SEPTIN11: variants seen among roughly 807,000 people sequenced by gnomAD.
The protein encoded by SEPTIN11 is septin 11.
A neutral mutation model predicts 51.4 loss-of-function variants in SEPTIN11; 25 were observed. The observed-to-expected ratio is 0.49, with a 90% CI of 0.35 to 0.68. SEPTIN11 has a LOEUF of 0.68. Ranked by LOEUF, SEPTIN11 falls within the 30% of genes least tolerant of loss-of-function variation. The pLI is 0.00. For missense variants in SEPTIN11, 381 were observed against 520.8 expected, an observed-to-expected ratio of 0.73 and a Z score of 2.61; for synonymous variants, 174 against 184.1, an observed-to-expected ratio of 0.95 and a Z score of 0.44.
In SEPTIN11 at chr4:77,037,642, AC is replaced by A. The variant is rs984400983; in HGVS notation, c.*3134del. 4 of 985,462 alleles carry A rather than the reference AC, an allele frequency of 4.1e-6. No individual in the cohort carries two copies. The highest frequency in any genetic ancestry group is 4.8e-6 in the Non-Finnish European group (4 of 829,944). 61.0% of individuals were successfully genotyped at this position (985,462 alleles called of 1,614,324 possible). ...GGGGCCTACATAACTAGCTGGCCTT[AC>A]CCCATATCTTTTGTTCAAACATAAT... On this transcript the variant is annotated 3_prime_UTR_variant, in exon 10 of 10. Coordinates refer to ENST00000264893, the MANE Select transcript of SEPTIN11 (RefSeq NM_018243.4).
rs559231690 is a variant in SEPTIN11, at chr4:77,014,656, T to C, written c.526-200T>C. On this transcript the variant is annotated intron_variant, in intron 4 of 9. Coordinates refer to ENST00000264893, the MANE Select transcript of SEPTIN11 (RefSeq NM_018243.4). ...AAAGTCTGATTTTCATTATCATCTC[T>C]ACCCCAAAAAAAAAAAAAATTGTAG... Among the ~76,000 whole-genome samples, 14 of 129,142 alleles carry C rather than the reference T, an allele frequency of 1.1e-4. No homozygotes were observed. In the East Asian group the frequency reaches 2.8e-3, roughly 26 times the overall value. The allele number at this position is 129,142 out of a possible 152,430, so 84.7% of individuals were successfully genotyped here. A position where few individuals can be genotyped will look rare whatever the true frequency, so the allele number is the denominator to read the frequency against.
chr4:76,962,768 G>A (rs1305682212), intron 1 of SEPTIN11, among the ~76,000 whole-genome samples: 1 of 152,134 alleles, frequency 6.6e-6, no homozygotes, highest in Non-Finnish European at 1.5e-5. Flanking sequence ...CATTTGGAAA[G>A]GCAAAGTTAT....
At chr4:76,996,240 G>A (rs903654793) in intron 1 of SEPTIN11, among the ~76,000 whole-genome samples, 185 bp from the exon 2 acceptor site, 2 of 152,190 alleles carry the variant, frequency 1.3e-5, no homozygotes, top group African/African-American at 4.8e-5. Flanking sequence ...TGTGACTTTT[G>A]TGGAAAGAGC....
chr4:76,969,831 A>G (rs1722169709), intron 1 of SEPTIN11, among the ~76,000 whole-genome samples: 1 of 152,218 alleles, frequency 6.6e-6, no homozygotes, highest in Non-Finnish European at 1.5e-5. Flanking sequence ...CTATTAGTTA[A>G]AAATTCAGAT....
chr4:76,975,155 T>C (rs1467053987), intron 1 of SEPTIN11, among the ~76,000 whole-genome samples: 6 of 145,014 alleles, frequency 4.1e-5, no homozygotes, highest in East Asian at 2.0e-4. Context: ...AAAAAAGAAA[T>C]GTAAGCCCTT....
intron 1 of SEPTIN11, among the ~76,000 whole-genome samples, chr4:76,973,249 C>T (rs548121344): frequency 2.6e-5 from 4 of 152,266 alleles, no homozygotes; most frequent in South Asian, 2.1e-4. Flanking sequence ...TTTCTACATT[C>T]GCTTTGCTGC....
At chr4:76,961,991 C>T (rs911813732) in intron 1 of SEPTIN11, among the ~76,000 whole-genome samples, 1 of 152,114 alleles carries the variant, frequency 6.6e-6, no homozygotes. Context: ...TGAATTGCTT[C>T]TAAATGAGAT....
intron 3 of SEPTIN11, chr4:77,009,873 C>CCCAG (rs1724741812): frequency 6.6e-6 from 1 of 152,256 alleles, no homozygotes; most frequent in Non-Finnish European, 1.5e-5. Flanking sequence ...AAGGATCAGC[C>CCCAG]CCAGACTCAA....
rs1560751427 is a variant in SEPTIN11, at chr4:77,030,959, G to A, written c.1263G>A (p.Lys421=). 1 of 1,601,374 alleles carries A rather than the reference G, an allele frequency of 6.2e-7. No individual in the cohort carries two copies. The highest frequency in any genetic ancestry group is 8.5e-7 in the Non-Finnish European group (1 of 1,177,292). Residue 421 remains lysine (K), a synonymous_variant, in exon 9 of 10, where the codon AAG becomes AAA. Coordinates refer to ENST00000264893, the MANE Select transcript of SEPTIN11 (RefSeq NM_018243.4). ...GGGCCCAGCAAACCAAGAAAGACAA[G>A]GATAAGAAAAAGTAAGCAGGTGTCA... ...QSGAQQTKKD[K]DKKNASFT is the part of the protein sequence containing the mutation.
At chr4:77,015,756 G>C (rs558488386) in intron 5 of SEPTIN11, among the ~76,000 whole-genome samples, 89 of 152,308 alleles carry the variant, frequency 5.8e-4, no homozygotes, top group Admixed American at 9.8e-4. Flanking sequence ...AGTAGTAAAG[G>C]CTCTAGAATT....
chr4:77,005,476 C>A, intron 2 of SEPTIN11, 125 bp from the exon 3 acceptor site: 1 of 792,732 alleles, frequency 1.3e-6, no homozygotes, highest in Non-Finnish European at 2.0e-6. Context: ...TTCACAGTGA[C>A]ATTTCTGGTG....
intron 2 of SEPTIN11, among the ~76,000 whole-genome samples, chr4:77,001,599 C>T (rs546086409): frequency 1.3e-5 from 2 of 152,312 alleles, no homozygotes; most frequent in South Asian, 4.1e-4. Context: ...ATCCGCCTGC[C>T]TCAGCCTCCC....
At chr4:77,027,066 A>G (rs1220120504) in intron 7 of SEPTIN11, among the ~76,000 whole-genome samples, 1 of 152,238 alleles carries the variant, frequency 6.6e-6, no homozygotes, top group East Asian at 1.9e-4. Flanking sequence ...TGATAGTGGC[A>G]AGGGCAAGAG....
chr4:76,961,471 C>T (rs1296080185), intron 1 of SEPTIN11, among the ~76,000 whole-genome samples: 2 of 152,158 alleles, frequency 1.3e-5, no homozygotes, highest in East Asian at 3.9e-4. Context: ...TACAGATGCT[C>T]CTCAGCTTGC....
chr4:77,025,423 T>G (rs1726049256), intron 7 of SEPTIN11, among the ~76,000 whole-genome samples: 1 of 152,044 alleles, frequency 6.6e-6, no homozygotes, highest in South Asian at 2.1e-4. Context: ...TGCTTGTGTT[T>G]GGTCCCAACT....
chr4:77,018,393 G>A (rs1725458399), intron 5 of SEPTIN11, among the ~76,000 whole-genome samples: 1 of 151,344 alleles, frequency 6.6e-6, no homozygotes, highest in Non-Finnish European at 1.5e-5. Context: ...AGCTTGCAGT[G>A]AGCCGAGATC....
At chr4:77,030,725 C>T in intron 8 of SEPTIN11, 58 bp from the exon 9 acceptor site, 5 of 1,499,488 alleles carry the variant, frequency 3.3e-6, no homozygotes, top group Non-Finnish European at 3.6e-6. Context: ...ATCCAAAGAA[C>T]TTTACATCAA....
chr4:76,966,952 T>C (rs1159553376), intron 1 of SEPTIN11, among the ~76,000 whole-genome samples: 2 of 152,110 alleles, frequency 1.3e-5, no homozygotes, highest in Non-Finnish European at 2.9e-5. Context: ...ATCCCAGCAC[T>C]TTGGGAGGCC....
intron 5 of SEPTIN11, among the ~76,000 whole-genome samples, chr4:77,017,079 GCTGTAGAA>G (rs1332421241): frequency 1.3e-5 from 2 of 152,056 alleles, no homozygotes; most frequent in African/African-American, 4.8e-5. Flanking sequence ...CCTTTATTCT[GCTGTAGAA>G]CTGTAATTTG....
Sources: gnomAD v4.1 joint callset for allele counts (sites outside exome capture counted in the v4.1 genomes callset) on GRCh38, gnomAD v4.1.1 for gene constraint, MANE v1.5 for transcripts, NCBI Gene and HGNC (gene_info 2026-07-23, HGNC 2026-07-21) for gene names.